Variants in NAALADL2 observed in about 807,000 individuals in gnomAD.
The protein encoded by NAALADL2 is inactive N-acetylated-alpha-linked acidic dipeptidase-like protein 2.
NAALADL2 carries 76 observed loss-of-function variants against 87.2 expected under a neutral mutation model. That is an observed-to-expected ratio of 0.87 (90% CI 0.72 to 1.05). The LOEUF is 1.05. NAALADL2 is among the 50% of genes least tolerant of loss of function. NAALADL2 has a pLI of 0.00. For synonymous variants in NAALADL2, 354 were observed against 331.0 expected (o/e 1.07, Z -0.75); for missense variants, 1,089 against 945.8 (o/e 1.15, Z -1.99).
At chr3:174,832,244 T>G (rs867323966) in intron 3 of NAALADL2, among the ~76,000 whole-genome samples, 100 of 152,278 alleles carry the variant, frequency 6.6e-4, no homozygotes, top group African/African-American at 2.2e-3. Context: ...TTATGGGCAT[T>G]TAGTGCTATA....
At chr3:175,689,622 G>A (rs1412142989) in intron 11 of NAALADL2, among the ~76,000 whole-genome samples, 1 of 152,116 alleles carries the variant, frequency 6.6e-6, no homozygotes, top group Non-Finnish European at 1.5e-5. Flanking sequence ...AACATTCCCA[G>A]TAAATCCTAC....
intron 4 of NAALADL2, among the ~76,000 whole-genome samples, chr3:175,307,519 A>G (rs1757865135): frequency 6.6e-6 from 1 of 152,202 alleles, no homozygotes; most frequent in Non-Finnish European, 1.5e-5. Context: ...AGCTGTGAAC[A>G]TTTGAAAATA....
intron 3 of NAALADL2, among the ~76,000 whole-genome samples, chr3:174,803,901 C>T (rs1354159425): frequency 4.6e-5 from 7 of 151,984 alleles, no homozygotes; most frequent in Non-Finnish European, 8.8e-5. Flanking sequence ...AGTCAGGTAG[C>T]GTGATGCCTC....
intron 2 of NAALADL2, among the ~76,000 whole-genome samples, chr3:174,733,408 T>A (rs1732892967): frequency 6.6e-6 from 1 of 152,220 alleles, no homozygotes; most frequent in Admixed American, 6.5e-5. Flanking sequence ...AAAGATGACA[T>A]GACTTTTCAT....
intron 1 of NAALADL2, among the ~76,000 whole-genome samples, chr3:174,890,520 C>T (rs1041604193): frequency 6.6e-6 from 1 of 151,974 alleles, no homozygotes; most frequent in African/African-American, 2.4e-5. Context: ...TATTTTTCCA[C>T]ATAAGAAATA....
intron 3 of NAALADL2, among the ~76,000 whole-genome samples, chr3:174,815,001 A>G (rs1366386184): frequency 8.5e-5 from 13 of 152,204 alleles, no homozygotes; most frequent in Admixed American, 6.5e-5. Flanking sequence ...ACGTATTTCT[A>G]TATAACATGT....
chr3:174,981,039 T>C (rs1384286871), intron 1 of NAALADL2, among the ~76,000 whole-genome samples: 1 of 152,220 alleles, frequency 6.6e-6, no homozygotes, highest in African/African-American at 2.4e-5. Context: ...TTCTAGTTTC[T>C]GTAAACAAAC....
intron 1 of NAALADL2, among the ~76,000 whole-genome samples, chr3:175,000,027 A>G (rs953052710): frequency 3.3e-5 from 5 of 152,210 alleles, no homozygotes; most frequent in African/African-American, 1.2e-4. Context: ...TCTAGTGTCT[A>G]TTAAAAGAAA....
At chr3:174,458,485 C>T (rs1715995842) in intron 1 of NAALADL2, 1 of 152,150 alleles carries the variant, frequency 6.6e-6, no homozygotes, top group Non-Finnish European at 1.5e-5. Context: ...TTTCCCTCTC[C>T]CTTTTCATCA....
chr3:175,668,878 C>G (rs1011983068), intron 11 of NAALADL2, among the ~76,000 whole-genome samples: 3 of 152,070 alleles, frequency 2.0e-5, no homozygotes, highest in Admixed American at 2.0e-4. Context: ...AATTTTGTGA[C>G]TTAAAATGGA....
At chr3:175,037,840 C>T (rs944559679) in intron 1 of NAALADL2, among the ~76,000 whole-genome samples, 5 of 152,148 alleles carry the variant, frequency 3.3e-5, no homozygotes, top group Non-Finnish European at 7.3e-5. Context: ...TATCCCCATT[C>T]ATGCTTGCAA....
At chr3:174,442,475 T>C (rs1039028245) in intron 1 of NAALADL2, among the ~76,000 whole-genome samples, 2 of 152,186 alleles carry the variant, frequency 1.3e-5, no homozygotes, top group African/African-American at 2.4e-5. Flanking sequence ...AAGGATGACG[T>C]AATGCATTCC....
chr3:174,563,768 T>A (rs544099636), intron 2 of NAALADL2, among the ~76,000 whole-genome samples: 4 of 152,292 alleles, frequency 2.6e-5, no homozygotes, highest in African/African-American at 9.6e-5. Flanking sequence ...GAGAAGGTGA[T>A]CTGTCTTCAT....
chr3:175,016,276 TAA>T (rs1249593204), intron 1 of NAALADL2, among the ~76,000 whole-genome samples: 11 of 147,950 alleles, frequency 7.4e-5, no homozygotes, highest in African/African-American at 1.7e-4. Flanking sequence ...TATATATATA[TAA>T]AAAACAATAG....
intron 1 of NAALADL2, among the ~76,000 whole-genome samples, chr3:174,545,575 G>A (rs1222715076): frequency 6.6e-6 from 1 of 152,072 alleles, no homozygotes; most frequent in Non-Finnish European, 1.5e-5. Flanking sequence ...GATGGTTGGT[G>A]CTTCTTTACT....
chr3:175,509,240 G>C (rs116583087), intron 9 of NAALADL2, among the ~76,000 whole-genome samples: 2,373 of 152,130 alleles, frequency 0.016, 68 homozygotes, highest in African/African-American at 0.054. Flanking sequence ...CCTAGTTGTT[G>C]ATAACTGCCA....
chr3:175,050,620 A>G (rs1003279748), intron 1 of NAALADL2, among the ~76,000 whole-genome samples: 1 of 152,134 alleles, frequency 6.6e-6, no homozygotes, highest in African/African-American at 2.4e-5. Context: ...TTCATTATGC[A>G]GTTTTGCTTA....
At chr3:175,428,123 A>G (rs1184944632) in intron 5 of NAALADL2, among the ~76,000 whole-genome samples, 1 of 151,974 alleles carries the variant, frequency 6.6e-6, no homozygotes, top group Non-Finnish European at 1.5e-5. Context: ...ATTTCTAGCA[A>G]CCCCCAAATG....
At chr3:175,408,533 A>G (rs1000861591) in intron 5 of NAALADL2, among the ~76,000 whole-genome samples, 17 of 152,168 alleles carry the variant, frequency 1.1e-4, no homozygotes, top group African/African-American at 3.8e-4. Context: ...TGCCTTTGAA[A>G]TAATAAAGAA....
Sources: gnomAD v4.1 joint callset for allele counts (sites outside exome capture counted in the v4.1 genomes callset) on GRCh38, gnomAD v4.1.1 for gene constraint, MANE v1.5 for transcripts, NCBI Gene and HGNC (gene_info 2026-07-23, HGNC 2026-07-21) for gene names.